Variants in DNAH9 observed in about 807,000 individuals in gnomAD.
The protein encoded by DNAH9 is DNAH9 variant protein.
In DNAH9, 345 loss-of-function variants were observed where a neutral mutation model predicts 471.6. The observed-to-expected ratio is 0.73, with a 90% CI of 0.67 to 0.80. The LOEUF (loss-of-function observed/expected upper bound fraction) is 0.80. Ranked by LOEUF, DNAH9 falls within the 30% of genes least tolerant of loss-of-function variation. The probability of loss-of-function intolerance (pLI) is 0.00; values close to 1 mark genes in which losing one functional copy is unlikely to be tolerated. For missense variants in DNAH9, 5,407 were observed against 5,609.2 expected (o/e 0.96, Z 1.15); for synonymous variants, 2,093 against 2,123.6 (o/e 0.99, Z 0.40).
Position 11,822,434 on chromosome 17 carries a change from T to C in DNAH9, c.8851-4T>C. 1 of 1,614,206 alleles carries C rather than the reference T, an allele frequency of 6.2e-7. No homozygotes were observed. Among genetic ancestry groups the C allele is most frequent in the Non-Finnish European group, 8.5e-7 (1 of 1,180,038 alleles). On this transcript the variant is annotated splice_region_variant and splice_polypyrimidine_tract_variant and intron_variant, in intron 46 of 68. Transcript: ENST00000262442. ...TGGTTCTCCCCACCCTTCTGACTTCTCAGGTGACTCTCTGTTTCTCCCCTG... is the reference window on the plus strand; with the variant it reads ...TGGTTCTCCCCACCCTTCTGACTTCCCAGGTGACTCTCTGTTTCTCCCCTG...
At chr17:11,847,683 A>C (rs1269656987) in intron 49 of DNAH9, among the ~76,000 whole-genome samples, 9 of 152,214 alleles carry the variant, frequency 5.9e-5, no homozygotes, top group African/African-American at 1.7e-4. Context: ...CGTGAATTGT[A>C]CTGGGAATCT....
intron 20 of DNAH9, among the ~76,000 whole-genome samples, chr17:11,691,446 A>T (rs567491213): frequency 6.6e-6 from 1 of 152,132 alleles, no homozygotes; most frequent in East Asian, 1.9e-4. Context: ...AGTATCATTA[A>T]CCTCTACACA....
At chr17:11,905,152 T>C (rs925746452) in intron 60 of DNAH9, among the ~76,000 whole-genome samples, 3 of 151,328 alleles carry the variant, frequency 2.0e-5, no homozygotes, top group Non-Finnish European at 4.4e-5. Context: ...GGGAATCACT[T>C]GAACCCGGGA....
At chr17:11,840,629 G>T (rs1412228782) in intron 49 of DNAH9, among the ~76,000 whole-genome samples, 7 of 152,138 alleles carry the variant, frequency 4.6e-5, no homozygotes, top group Non-Finnish European at 8.8e-5. Flanking sequence ...AAGTGACTTT[G>T]CAGATATCAT....
At chr17:11,700,961 C>T (rs151265254) in intron 23 of DNAH9, among the ~76,000 whole-genome samples, 161 bp from the exon 24 acceptor site, 2 of 152,294 alleles carry the variant, frequency 1.3e-5, no homozygotes, top group African/African-American at 2.4e-5. Flanking sequence ...TCCCGGATTA[C>T]GTAAACAGCA....
chr17:11,686,732 C>T (rs760060982), intron 19 of DNAH9, among the ~76,000 whole-genome samples: 1 of 152,160 alleles, frequency 6.6e-6, no homozygotes, highest in Non-Finnish European at 1.5e-5. Flanking sequence ...GAACCAACAT[C>T]GATTTAAGAA....
intron 43 of DNAH9, among the ~76,000 whole-genome samples, chr17:11,803,798 T>C (rs1213455214): frequency 6.6e-6 from 1 of 152,208 alleles, no homozygotes; most frequent in Non-Finnish European, 1.5e-5. Context: ...AGAACCCAGC[T>C]GGACTCCAAC....
Position 11,872,969 on chromosome 17 carries a change from A to C in DNAH9, c.10242+1183A>C, listed in dbSNP as rs138398488. ...CAGTGAGGGTGAAAGTCAGCCCCAA[A>C]TTTCACAACATAAGGTAAAAGCTGT... On this transcript the variant is annotated intron_variant, in intron 52 of 68. Transcript: ENST00000262442. 4.0e-3 allele frequency among the ~76,000 whole-genome samples: 611 copies of C among 152,334 alleles called. 4 individuals carry two copies. Among genetic ancestry groups the C allele is most frequent in the Non-Finnish European group, 5.7e-3 (388 of 68,022 alleles).
At chr17:11,778,000 C>A (rs564894236) in intron 38 of DNAH9, among the ~76,000 whole-genome samples, 2 of 152,084 alleles carry the variant, frequency 1.3e-5, no homozygotes, top group Admixed American at 6.6e-5. Context: ...TGTAAAGAGA[C>A]ATGAAGCTGG....
intron 50 of DNAH9, among the ~76,000 whole-genome samples, chr17:11,862,997 T>C (rs1971915430): frequency 6.6e-6 from 1 of 152,086 alleles, no homozygotes. Flanking sequence ...CTTTTCCTAA[T>C]TGAATACCCT....
intron 33 of DNAH9, among the ~76,000 whole-genome samples, chr17:11,755,779 C>A (rs543610891): frequency 6.6e-6 from 1 of 152,138 alleles, no homozygotes; most frequent in Admixed American, 6.5e-5. Flanking sequence ...TACTATTCAT[C>A]ACAAAGAAGG....
chr17:11,832,935 C>G (rs1970725001), intron 48 of DNAH9, among the ~76,000 whole-genome samples: 1 of 152,304 alleles, frequency 6.6e-6, no homozygotes, highest in East Asian at 1.9e-4. Flanking sequence ...GGCCATTACA[C>G]TAGGCCAGTG....
intron 59 of DNAH9, among the ~76,000 whole-genome samples, chr17:11,896,142 G>A (rs1434332730): frequency 6.6e-6 from 1 of 152,128 alleles, no homozygotes; most frequent in East Asian, 1.9e-4. Flanking sequence ...TCTTATAAGA[G>A]CACCAGTTAT....
In DNAH9 at chr17:11,937,155, G is replaced by A. The variant is rs969489811; in HGVS notation, c.12490-197G>A. Among the ~76,000 whole-genome samples, 1 of 152,090 alleles carries A rather than the reference G, an allele frequency of 6.6e-6. No individual in the cohort carries two copies. The highest frequency in any genetic ancestry group is 2.1e-4 in the South Asian group (1 of 4,822). The stretch of plus-strand genomic sequence containing the variant: ...AATGAATGTGGAAGTTTTGGGAAAC[G>A]GGTCCAGCCGACAAAAATGGATGAT... On this transcript the variant is annotated intron_variant, in intron 65 of 68. Coordinates refer to ENST00000262442, the MANE Select transcript of DNAH9 (RefSeq NM_001372.4). This position sits in a 1 kb window ranked among gnomAD's most constrained non-coding sequence, Gnocchi z 4.1.
At chr17:11,670,426 C>T (rs921036963) in intron 17 of DNAH9, among the ~76,000 whole-genome samples, 1 of 152,152 alleles carries the variant, frequency 6.6e-6, no homozygotes, top group African/African-American at 2.4e-5. Flanking sequence ...ATTAGAATCT[C>T]GACCCCCTTC....
chr17:11,946,846 T>C (rs1175257451), intron 67 of DNAH9, among the ~76,000 whole-genome samples: 1 of 152,192 alleles, frequency 6.6e-6, no homozygotes. Context: ...AGCCAACACA[T>C]TAATTGGACA....
At chr17:11,902,559 C>T (rs575052269) in intron 59 of DNAH9, among the ~76,000 whole-genome samples, 160 bp from the exon 60 acceptor site, 1 of 152,292 alleles carries the variant, frequency 6.6e-6, no homozygotes, top group East Asian at 1.9e-4. Context: ...AATTCTTCCT[C>T]TTTCTTGATT....
chr17:11,718,684 T>C (rs1402016970), intron 26 of DNAH9, among the ~76,000 whole-genome samples: 2 of 152,226 alleles, frequency 1.3e-5, no homozygotes, highest in African/African-American at 2.4e-5. Flanking sequence ...TGTATGTGCC[T>C]AGAGTGTGCT....
rs144742087 is a variant in DNAH9, at chr17:11,766,686, T to C, written c.7171-1767T>C. 1.1e-3 allele frequency among the ~76,000 whole-genome samples: 175 copies of C among 152,262 alleles called. 2 individuals carry two copies. In the East Asian group the frequency reaches 0.013, roughly 11 times the overall value. On this transcript the variant is annotated intron_variant, in intron 36 of 68. Transcript: ENST00000262442. ...TGGAATTAAGAAAGGATCATTGGGCTGGGTGCGGTGGCTCACGCCTGTAAT... is the reference window on the plus strand; with the variant it reads ...TGGAATTAAGAAAGGATCATTGGGCCGGGTGCGGTGGCTCACGCCTGTAAT...
Sources: allele counts gnomAD v4.1 joint callset (sites outside exome capture counted in the v4.1 genomes callset), GRCh38; gene constraint gnomAD v4.1.1; non-coding constraint Gnocchi (gnomAD v3.1); transcripts MANE v1.5; gene names NCBI Gene and HGNC (gene_info 2026-07-23, HGNC 2026-07-21).